Variants in GOLGA8B observed in about 807,000 individuals in gnomAD.
GOLGA8B encodes the protein golgin subfamily A member 8B.
Under a neutral mutation model 15.6 loss-of-function variants are expected in GOLGA8B, and 1 was observed. The observed-to-expected ratio is 0.06, with a 90% CI of 0.02 to 0.30. GOLGA8B has a LOEUF of 0.30. GOLGA8B is among the 10% of genes least tolerant of loss of function. The pLI is 1.00. For synonymous variants in GOLGA8B, 9 were observed against 80.3 expected (o/e 0.11, Z 4.75); for missense variants, 17 against 201.3 (o/e 0.08, Z 5.54).
At chr15:34,579,841 C>T (rs1329448970) in intron 1 of GOLGA8B, among the ~76,000 whole-genome samples, 17 of 152,256 alleles carry the variant, frequency 1.1e-4, no homozygotes, top group Admixed American at 1.1e-3. Flanking sequence ...AGGCACTTTT[C>T]TAGCTACTGG....
chr15:34,582,536 C>G (rs985804941), intron 1 of GOLGA8B, among the ~76,000 whole-genome samples: 2 of 152,264 alleles, frequency 1.3e-5, no homozygotes, highest in Non-Finnish European at 2.9e-5. Flanking sequence ...CTGCACTCAA[C>G]CACAGATTTA....
At chr15:34,543,337 C>T (rs1488593043) in intron 7 of GOLGA8B, among the ~76,000 whole-genome samples, 2 of 147,088 alleles carry the variant, frequency 1.4e-5, no homozygotes, top group Non-Finnish European at 3.0e-5. Context: ...GCCCCATACA[C>T]AGCTTTTTTC....
rs1448488611 is a variant in GOLGA8B at position 34,564,774 on chromosome 15, A to C, written c.-1122-10818T>G. 1.4e-5 allele frequency among the ~76,000 whole-genome samples: 2 copies of C among 143,700 alleles called. 1 individual carries two copies. The highest frequency in any genetic ancestry group is 3.2e-5 in the Non-Finnish European group (2 of 62,582). The allele number at this position is 143,700 out of a possible 152,430, so 94.3% of individuals were successfully genotyped here. On this transcript the variant is annotated intron_variant, in intron 1 of 23. Transcript: ENST00000683415. Reference sequence around the variant, plus strand: ...CTTTGGGGCCAGCTTTGAGCTGGCAAGGCTAAATTATAGGAAGAAGGCAGA... The same window carrying C: ...CTTTGGGGCCAGCTTTGAGCTGGCACGGCTAAATTATAGGAAGAAGGCAGA...
At chr15:34,577,013 G>T (rs1165504796) in intron 1 of GOLGA8B, among the ~76,000 whole-genome samples, 1 of 149,794 alleles carries the variant, frequency 6.7e-6, no homozygotes, top group African/African-American at 2.4e-5. Flanking sequence ...GCCCTTCTTG[G>T]GATGAGTCAA....
chr15:34,571,453 C>T (rs1888911426), intron 1 of GOLGA8B, among the ~76,000 whole-genome samples: 1 of 151,794 alleles, frequency 6.6e-6, no homozygotes, highest in African/African-American at 2.4e-5. Context: ...GCCACCGTAA[C>T]TTACACGGTA....
chr15:34,565,135 CTTT>C (rs71119971), intron 1 of GOLGA8B, among the ~76,000 whole-genome samples: 16 of 106,940 alleles, frequency 1.5e-4, no homozygotes, highest in South Asian at 2.8e-4. Context: ...ATCCAGTTCT[CTTT>C]TTTTTTTTTT....
intron 1 of GOLGA8B, among the ~76,000 whole-genome samples, chr15:34,573,450 T>C (rs998722116): frequency 3.5e-5 from 5 of 141,524 alleles, no homozygotes; most frequent in African/African-American, 8.0e-5. Context: ...GGAAGGAGAA[T>C]GGCGTGAACC....
chr15:34,562,652 C>CT lies in GOLGA8B; in HGVS notation c.-1122-8697dup, dbSNP rs1244175721. Among the ~76,000 whole-genome samples, 3 of 129,990 alleles carry CT rather than the reference C, an allele frequency of 2.3e-5. 1 individual carries two copies. The highest frequency in any genetic ancestry group is 5.3e-5 in the Non-Finnish European group (3 of 56,132). 85.3% of individuals were successfully genotyped at this position (129,990 alleles called of 152,430 possible). A position where few individuals can be genotyped will look rare whatever the true frequency, so the allele number is the denominator to read the frequency against. On this transcript the variant is annotated intron_variant, in intron 1 of 23. Coordinates refer to ENST00000683415, the MANE Select transcript of GOLGA8B (RefSeq NM_001023567.5). The stretch of plus-strand genomic sequence containing the variant: ...CTTTCAAAAGCCTTTCCCAAAATAT[C>CT]TATTCTATGTTGCTCATCATTTGTC...
chr15:34,575,241 C>G (rs1889039900), intron 1 of GOLGA8B, among the ~76,000 whole-genome samples: 1 of 152,004 alleles, frequency 6.6e-6, no homozygotes, highest in Admixed American at 6.5e-5. Context: ...GGTGCCTCGG[C>G]CAGACACCTG....
Position 34,526,258 on chromosome 15 carries a change from C to A in GOLGA8B, c.*1374G>T, listed in dbSNP as rs1059885. 0.16 allele frequency: 24,435 copies of A among 149,468 alleles called. 3,884 individuals carry two copies. The highest frequency in any genetic ancestry group is 0.28 in the Admixed American group (4,108 of 14,730). 9.3% of individuals were successfully genotyped at this position (149,468 alleles called of 1,614,324 possible). On this transcript the variant is annotated 3_prime_UTR_variant, in exon 24 of 24. Coordinates refer to ENST00000683415, the MANE Select transcript of GOLGA8B (RefSeq NM_001023567.5). ...TTGCAGCACAGTGTGTAAACATTTT[C>A]AGTTGCATAAACTTCTCCTTGATTT...
chr15:34,583,203 C>G (rs2140360561), intron 1 of GOLGA8B, among the ~76,000 whole-genome samples: 1 of 152,004 alleles, frequency 6.6e-6, no homozygotes. Flanking sequence ...CGCCACTTGC[C>G]CGCGCCGAGA....
rs547789924 is a variant in GOLGA8B, at chr15:34,578,753, G to C, written c.-1123+4763C>G. On this transcript the variant is annotated intron_variant, in intron 1 of 23. Transcript: ENST00000683415. ...CCATGAAAACCATCTTTAAATGTTG[G>C]AGTGTTTCCGTTTCCAGACAACTAG... Among the ~76,000 whole-genome samples, 28 of 152,286 alleles carry C rather than the reference G, an allele frequency of 1.8e-4. No homozygotes were observed. The East Asian group carries it at 4.4e-3, about 24-fold the overall frequency.
At chr15:34,581,407 A>C (rs1341976834) in intron 1 of GOLGA8B, 1 of 152,234 alleles carries the variant, frequency 6.6e-6, no homozygotes. Context: ...GGGAAAAATC[A>C]AGGTGTCTTA....
rs1485739746 is a variant in GOLGA8B, at chr15:34,525,128, C to CTT, written c.*2502_*2503dup. 1 of 149,396 alleles carries CTT rather than the reference C, an allele frequency of 6.7e-6. No individual in the cohort carries two copies. Among genetic ancestry groups the CTT allele is most frequent in the East Asian group, 2.0e-4 (1 of 5,060 alleles). The allele number at this position is 149,396 out of a possible 1,614,324, so 9.3% of individuals were successfully genotyped here. A position where few individuals can be genotyped will look rare whatever the true frequency, so the allele number is the denominator to read the frequency against. On this transcript the variant is annotated 3_prime_UTR_variant, in exon 24 of 24. Coordinates refer to ENST00000683415, the MANE Select transcript of GOLGA8B (RefSeq NM_001023567.5). ...TCCCATACCTTTTTTATTTTGTGTT[C>CTT]TTTTAATAAACACTTGCATAGTTAT...
Position 34,525,533 on chromosome 15 carries a change from CTT to C in GOLGA8B, c.*2097_*2098del, listed in dbSNP as rs1431437274. On this transcript the variant is annotated 3_prime_UTR_variant, in exon 24 of 24. Coordinates refer to ENST00000683415, the MANE Select transcript of GOLGA8B (RefSeq NM_001023567.5). ...GTATTCATATTTTAAAATGTTTTAA[CTT>C]ATTTCAGAACATAAAGATAGCAGTT... 11 of 149,812 alleles carry C rather than the reference CTT, an allele frequency of 7.3e-5. No individual in the cohort carries two copies. Among genetic ancestry groups the C allele is most frequent in the African/African-American group, 2.5e-4 (10 of 40,532 alleles). The allele number at this position is 149,812 out of a possible 1,614,324, so 9.3% of individuals were successfully genotyped here. A position where few individuals can be genotyped will look rare whatever the true frequency, so the allele number is the denominator to read the frequency against.
At chr15:34,582,906 G>A (rs1889282180) in intron 1 of GOLGA8B, 1 of 152,206 alleles carries the variant, frequency 6.6e-6, no homozygotes, top group South Asian at 2.1e-4. Context: ...GTCTCCGGGA[G>A]GGGCAGGTCC....
At chr15:34,581,115 G>C (rs1808499) in intron 1 of GOLGA8B, among the ~76,000 whole-genome samples, 55,507 of 152,162 alleles carry the variant, frequency 0.36, 10,567 homozygotes, top group Admixed American at 0.45. Context: ...CGCCAGTCCT[G>C]TCCTCCCCTG....
chr15:34,575,382 C>A (rs1032618400), intron 1 of GOLGA8B, among the ~76,000 whole-genome samples: 2 of 151,594 alleles, frequency 1.3e-5, no homozygotes, highest in Non-Finnish European at 2.9e-5. Flanking sequence ...CGTCTTCCTC[C>A]CATGCTCTGA....
At chr15:34,579,344 C>A (rs1292150200) in intron 1 of GOLGA8B, among the ~76,000 whole-genome samples, 2 of 151,980 alleles carry the variant, frequency 1.3e-5, no homozygotes, top group African/African-American at 4.8e-5. Flanking sequence ...GGAACAGAGT[C>A]TGACATTAGG....
Sources: allele counts gnomAD v4.1 joint callset (sites outside exome capture counted in the v4.1 genomes callset), GRCh38; gene constraint gnomAD v4.1.1; transcripts MANE v1.5; gene names NCBI Gene and HGNC (gene_info 2026-07-23, HGNC 2026-07-21).